Variants in ENOX1 observed in about 807,000 individuals in gnomAD.
The protein encoded by ENOX1 is candidate growth-related and time keeping constitutive hydroquinone (NADH) oxidase.
Under a neutral mutation model 82.5 loss-of-function variants are expected in ENOX1, and 42 were observed. The observed-to-expected ratio is 0.51, with a 90% CI of 0.40 to 0.66. The LOEUF is 0.66. Among genes scored for constraint, ENOX1 ranks in the 30% least tolerant of loss-of-function variants. The pLI is 0.00. For synonymous variants in ENOX1, 271 were observed against 282.2 expected (o/e 0.96, Z 0.40); for missense variants, 608 against 811.6 (o/e 0.75, Z 3.05).
At chr13:43,359,792 T>C in intron 7 of ENOX1, 59 bp downstream of exon 7, 1 of 1,502,438 alleles carries the variant, frequency 6.7e-7, no homozygotes, top group Non-Finnish European at 9.2e-7. Context: ...AATAAGCTCA[T>C]ATTAACATCA....
chr13:43,345,594 G>A (rs1350063644), intron 8 of ENOX1, among the ~76,000 whole-genome samples: 1 of 152,182 alleles, frequency 6.6e-6, no homozygotes, highest in Non-Finnish European at 1.5e-5. Context: ...GTATGGCTTG[G>A]AGGTGGAGAA....
At position 43,609,227 on chromosome 13, in the gene ENOX1, G is replaced by A. The variant is rs555274284; in HGVS notation, c.-219+58252C>T. ...AATCACAATCCATTACTTTCTATTT[G>A]TATGTATCTGTGAATGAAGCTTTTT... On this transcript the variant is annotated intron_variant, in intron 2 of 16. Transcript: ENST00000690772. Among the ~76,000 whole-genome samples the A allele has an allele frequency of 2.6e-5, 4 of 152,146 alleles. No homozygotes were observed. In the South Asian group the frequency reaches 8.3e-4, roughly 32 times the overall value.
chr13:43,446,455 A>AC (rs1230607237), intron 3 of ENOX1, among the ~76,000 whole-genome samples: 3 of 151,744 alleles, frequency 2.0e-5, no homozygotes, highest in Non-Finnish European at 4.4e-5. Context: ...TTCTTCTTAA[A>AC]CCTGAGTTTC....
intron 3 of ENOX1, among the ~76,000 whole-genome samples, chr13:43,443,907 G>A (rs1171044585): frequency 1.3e-5 from 2 of 152,202 alleles, no homozygotes; most frequent in Non-Finnish European, 2.9e-5. Context: ...AGTGTGCAAT[G>A]TCTAACAAGA....
At chr13:43,390,056 T>C (rs546548605) in intron 5 of ENOX1, among the ~76,000 whole-genome samples, 44 of 152,324 alleles carry the variant, frequency 2.9e-4, no homozygotes, top group African/African-American at 1.1e-3. Flanking sequence ...GAGAGGTCTA[T>C]TATCTACATG....
chr13:43,613,185 T>C (rs1158673488), intron 2 of ENOX1, among the ~76,000 whole-genome samples: 2 of 152,176 alleles, frequency 1.3e-5, no homozygotes, highest in Non-Finnish European at 2.9e-5. Flanking sequence ...TTTTATTGTT[T>C]ACTAGTCCAT....
At chr13:43,648,720 C>T (rs2084013378) in intron 2 of ENOX1, among the ~76,000 whole-genome samples, 1 of 152,168 alleles carries the variant, frequency 6.6e-6, no homozygotes, top group Non-Finnish European at 1.5e-5. Flanking sequence ...TTCCTGTCTC[C>T]ACTCTTCACA....
At chr13:43,494,026 A>G (rs2076710987) in intron 2 of ENOX1, among the ~76,000 whole-genome samples, 1 of 152,270 alleles carries the variant, frequency 6.6e-6, no homozygotes, top group East Asian at 1.9e-4. Context: ...TTATAAAACC[A>G]TCAGATCTCG....
At chr13:43,439,619 TA>T (rs769319021) in intron 3 of ENOX1, among the ~76,000 whole-genome samples, 7 of 152,322 alleles carry the variant, frequency 4.6e-5, no homozygotes, top group South Asian at 2.1e-4. Flanking sequence ...TCTTTTCTTA[TA>T]TTTTTTTACA....
intron 1 of ENOX1, among the ~76,000 whole-genome samples, chr13:43,700,078 G>GT (rs2086833773): frequency 6.6e-6 from 1 of 152,008 alleles, no homozygotes; most frequent in Non-Finnish European, 1.5e-5. Flanking sequence ...GTTAACAATT[G>GT]TTTGTTTTTA....
intron 15 of ENOX1, among the ~76,000 whole-genome samples, chr13:43,227,227 C>T (rs573872296): frequency 1.4e-4 from 22 of 152,240 alleles, no homozygotes; most frequent in African/African-American, 5.1e-4. Context: ...TAGAGTGCCT[C>T]TGTGAAGTTG....
chr13:43,739,797 G>A (rs966000683), intron 1 of ENOX1, among the ~76,000 whole-genome samples: 4 of 151,750 alleles, frequency 2.6e-5, no homozygotes, highest in Non-Finnish European at 5.9e-5. Context: ...TGAACTGCAC[G>A]GGTCCACTTA....
At chr13:43,686,312 G>T (rs1408446166) in intron 1 of ENOX1, among the ~76,000 whole-genome samples, 3 of 152,130 alleles carry the variant, frequency 2.0e-5, no homozygotes, top group African/African-American at 7.2e-5. Context: ...TCAGAGATGG[G>T]ATGTGAATGC....
chr13:43,656,346 T>A (rs1039908290), intron 2 of ENOX1, among the ~76,000 whole-genome samples: 21 of 152,200 alleles, frequency 1.4e-4, no homozygotes, highest in African/African-American at 4.8e-4. Flanking sequence ...CAATCATCAC[T>A]GGCAAAAATG....
chr13:43,755,029 T>G (rs113278987), intron 1 of ENOX1, among the ~76,000 whole-genome samples: 185 of 151,532 alleles, frequency 1.2e-3, no homozygotes, highest in African/African-American at 4.2e-3. Context: ...AACTCAGAGG[T>G]CACATGTTTC....
At chr13:43,746,813 C>G (rs1435590440) in intron 1 of ENOX1, among the ~76,000 whole-genome samples, 1 of 152,158 alleles carries the variant, frequency 6.6e-6, no homozygotes, top group Non-Finnish European at 1.5e-5. Flanking sequence ...TTACCAAAAG[C>G]TAGTCAAGCT....
chr13:43,418,912 T>C (rs1383942160), intron 3 of ENOX1, among the ~76,000 whole-genome samples: 1 of 152,224 alleles, frequency 6.6e-6, no homozygotes, highest in Non-Finnish European at 1.5e-5. Flanking sequence ...GAAAATACTA[T>C]TTGGCTTAAA....
chr13:43,486,641 A>G (rs1345468410), intron 2 of ENOX1, among the ~76,000 whole-genome samples: 1 of 152,204 alleles, frequency 6.6e-6, no homozygotes, highest in Non-Finnish European at 1.5e-5. Context: ...GTCAAAAACC[A>G]TAAGAAGGTG....
intron 15 of ENOX1, among the ~76,000 whole-genome samples, chr13:43,236,021 G>A (rs1028607632): frequency 2.2e-4 from 34 of 152,114 alleles, no homozygotes; most frequent in African/African-American, 7.0e-4. Context: ...GCACACTGCC[G>A]GCACATCCTC....
Sources: gnomAD v4.1 joint callset for allele counts (sites outside exome capture counted in the v4.1 genomes callset) on GRCh38, gnomAD v4.1.1 for gene constraint, MANE v1.5 for transcripts, NCBI Gene and HGNC (gene_info 2026-07-23, HGNC 2026-07-21) for gene names.